DMD: variants seen among roughly 807,000 people sequenced by gnomAD.
DMD encodes the protein mutant dystrophin.
DMD carries 63 observed loss-of-function variants against 330.1 expected under a neutral mutation model. The observed-to-expected ratio is 0.19, with a 90% confidence interval of 0.16 to 0.24. The LOEUF is 0.24. Ranked by LOEUF, DMD falls within the 10% of genes least tolerant of loss-of-function variation. The pLI is 1.00. For missense variants in DMD, 3,344 were observed against 2,684.1 expected, an observed-to-expected ratio of 1.25 and a Z score of -5.43; for synonymous variants, 1,223 against 959.8, an observed-to-expected ratio of 1.27 and a Z score of -5.07.
chrX:31,151,323 T>C (rs747845472), intron 74 of DMD, among the ~76,000 whole-genome samples: 20 of 112,660 alleles, frequency 1.8e-4, no homozygotes, highest in African/African-American at 6.4e-4. Flanking sequence ...ACACTTTTTA[T>C]GTAGAATCCT....
intron 48 of DMD, among the ~76,000 whole-genome samples, chrX:31,849,375 G>A (rs940773042): frequency 3.6e-5 from 4 of 110,997 alleles, no homozygotes; most frequent in African/African-American, 1.3e-4. Context: ...AATGTATAAT[G>A]GAGCACAGAG....
At chrX:32,541,820 A>T (rs2048511539) in intron 17 of DMD, among the ~76,000 whole-genome samples, 1 of 111,458 alleles carries the variant, frequency 9.0e-6, no homozygotes, top group African/African-American at 3.3e-5. Context: ...TGGGAAAAAA[A>T]AAAAGGGCAG....
chrX:31,510,359 C>T (rs749162834), intron 55 of DMD, among the ~76,000 whole-genome samples: 1 of 111,118 alleles, frequency 9.0e-6, no homozygotes, highest in Non-Finnish European at 1.9e-5. Flanking sequence ...ACAGTAGTCA[C>T]TGAACCTGAA....
At chrX:32,169,856 T>A (rs1334963636) in intron 44 of DMD, among the ~76,000 whole-genome samples, 1 of 102,100 alleles carries the variant, frequency 9.8e-6, no homozygotes, top group African/African-American at 3.6e-5. Context: ...CATTTCGACT[T>A]ATCTTTTTTC....
intron 11 of DMD, among the ~76,000 whole-genome samples, chrX:32,629,799 TA>T (rs57965070): frequency 0.024 from 2,412 of 98,924 alleles, 69 homozygotes; most frequent in African/African-American, 0.075. Flanking sequence ...AAGAGAAAAC[TA>T]AAAAAAAAAA....
intron 59 of DMD, among the ~76,000 whole-genome samples, chrX:31,470,180 G>A (rs928982838): frequency 5.4e-5 from 6 of 111,146 alleles, no homozygotes; most frequent in African/African-American, 9.8e-5. Context: ...CCGTCAATTC[G>A]TCAAACTCAT....
At chrX:32,465,088 G>C (rs1299458594) in intron 23 of DMD, among the ~76,000 whole-genome samples, 4 of 111,737 alleles carry the variant, frequency 3.6e-5, no homozygotes, top group Non-Finnish European at 7.5e-5. Context: ...TGTCTTTATA[G>C]CCTCCCTAAA....
chrX:32,882,495 T>C (rs2084054007), intron 2 of DMD, among the ~76,000 whole-genome samples: 1 of 112,350 alleles, frequency 8.9e-6, no homozygotes, highest in Admixed American at 9.4e-5. Context: ...TGGGTCTGTG[T>C]TTAATGGGTA....
intron 7 of DMD, among the ~76,000 whole-genome samples, chrX:32,780,485 C>G (rs1371988289): frequency 8.9e-6 from 1 of 111,896 alleles, no homozygotes; most frequent in African/African-American, 3.3e-5. Flanking sequence ...TATGTTTTAG[C>G]ATAGTTAATA....
At chrX:33,084,264 G>A (rs2094972490) in intron 1 of DMD, among the ~76,000 whole-genome samples, 2 of 112,047 alleles carry the variant, frequency 1.8e-5, no homozygotes, top group South Asian at 7.5e-4. Context: ...AATCCTGGGT[G>A]AGCCCCCAAA....
At chrX:33,282,945 T>C (rs183320239) in intron 1 of DMD, among the ~76,000 whole-genome samples, 78 of 112,284 alleles carry the variant, frequency 6.9e-4, no homozygotes, top group African/African-American at 2.5e-3. Context: ...TCTCTGACTA[T>C]CCTTTACAAT....
chrX:31,510,760 T>TC (rs2071444570), intron 55 of DMD, among the ~76,000 whole-genome samples: 1 of 110,219 alleles, frequency 9.1e-6, no homozygotes, highest in Non-Finnish European at 1.9e-5. Flanking sequence ...CCGCCCACCT[T>TC]GGCCTCCCAA....
chrX:32,812,166 C>CA (rs150837400), intron 6 of DMD, among the ~76,000 whole-genome samples: 2,241 of 110,991 alleles, frequency 0.02, 29 homozygotes, highest in Non-Finnish European at 0.032. Context: ...TCTACTCCTA[C>CA]AAAAAAACTC....
At chrX:32,438,651 G>A (rs944421365) in intron 28 of DMD, among the ~76,000 whole-genome samples, 5 of 111,353 alleles carry the variant, frequency 4.5e-5, no homozygotes, top group East Asian at 2.8e-4. Context: ...TTTCCTTGAC[G>A]TCCCCTAACT....
At position 32,858,519 on chromosome X, in the gene DMD, G is replaced by A. The variant is rs757739358; in HGVS notation, c.94-8699C>T. 3.3e-3 allele frequency among the ~76,000 whole-genome samples: 369 copies of A among 110,875 alleles called. 5 individuals carry two copies. The highest frequency in any genetic ancestry group is 0.01 in the African/African-American group (319 of 30,456). On this transcript the variant is annotated intron_variant, in intron 2 of 78. Coordinates refer to ENST00000357033, the MANE Select transcript of DMD (RefSeq NM_004006.3). Reference sequence around the variant, plus strand: ...TCAGTTTTGTATTTTTAGTAGAGACGGGGTTTCACTATGTTGGTCAGGCTT... The same window carrying A: ...TCAGTTTTGTATTTTTAGTAGAGACAGGGTTTCACTATGTTGGTCAGGCTT...
chrX:32,776,290 C>G (rs964357002), intron 7 of DMD, among the ~76,000 whole-genome samples: 1 of 108,952 alleles, frequency 9.2e-6, no homozygotes, highest in Non-Finnish European at 1.9e-5. Flanking sequence ...TGACCCCCCC[C>G]CCAAATTGTT....
At chrX:32,405,949 CCTT>C (rs1236869416) in intron 30 of DMD, among the ~76,000 whole-genome samples, 1 of 111,001 alleles carries the variant, frequency 9.0e-6, no homozygotes, top group Admixed American at 9.6e-5. Context: ...TTGTAGTTCT[CCTT>C]GAAGAGGTCC....
intron 69 of DMD, among the ~76,000 whole-genome samples, chrX:31,179,665 G>A (rs756636498): frequency 9.0e-6 from 1 of 111,350 alleles, no homozygotes; most frequent in Non-Finnish European, 1.9e-5. Flanking sequence ...TTGTACTCAG[G>A]TCTGTCTGGC....
At chrX:32,712,405 T>A (rs1219198340) in intron 7 of DMD, among the ~76,000 whole-genome samples, 1 of 111,656 alleles carries the variant, frequency 9.0e-6, no homozygotes, top group Non-Finnish European at 1.9e-5. Flanking sequence ...TATATCTAAT[T>A]CTTAAATGTG....
Sources: allele counts gnomAD v4.1 joint callset (sites outside exome capture counted in the v4.1 genomes callset), GRCh38; gene constraint gnomAD v4.1.1; transcripts MANE v1.5; gene names NCBI Gene and HGNC (gene_info 2026-07-23, HGNC 2026-07-21).